The following AK8 variants were observed in gnomAD, a reference collection of about 807,000 sequenced individuals.
AK8 encodes the protein adenylate kinase 8, also known as ATP-AMP transphosphorylase 8.
In AK8, 44 loss-of-function variants were observed where a neutral mutation model predicts 54.6. That is an observed-to-expected ratio of 0.81 (90% CI 0.63 to 1.04). The LOEUF (loss-of-function observed/expected upper bound fraction) is 1.04. AK8 is among the 50% of genes least tolerant of loss of function. The probability of loss-of-function intolerance (pLI) is 0.00; values close to 1 mark genes in which losing one functional copy is unlikely to be tolerated. For missense variants in AK8, 555 were observed against 613.6 expected (o/e 0.90, Z 1.01); for synonymous variants, 239 against 245.6 (o/e 0.97, Z 0.25).
At chr9:132,866,790 G>A in intron 3 of AK8, 114 bp downstream of exon 3, 1 of 1,044,318 alleles carries the variant, frequency 9.6e-7, no homozygotes, top group East Asian at 2.5e-5. Flanking sequence ...AGGAGGAGAA[G>A]GAAAAGAAGA....
chr9:132,878,227 A>AT lies in AK8; in HGVS notation c.28dup (p.Ile10AsnfsTer43). The AT allele has an allele frequency of 6.9e-7, 1 of 1,452,322 alleles. No homozygotes were observed. Among genetic ancestry groups the AT allele is most frequent in the South Asian group, 1.5e-5 (1 of 65,540 alleles). 90.0% of individuals were successfully genotyped at this position (1,452,322 alleles called of 1,614,324 possible). On this transcript the variant is annotated frameshift_variant, in exon 1 of 13. Transcript: ENST00000298545. LOFTEE classifies it high-confidence loss of function. The surrounding 1 kb of genome is among the most constrained non-coding windows in gnomAD (Gnocchi z 4.7). ...CCCGTACTGGGGCATCTCGGGGGGG[A>AT]TACGGTGCGGGGCGATAGTGGCGTC...
At chr9:132,828,903 C>T (rs1841992217) in intron 5 of AK8, among the ~76,000 whole-genome samples, 177 bp from the exon 6 acceptor site, 1 of 151,880 alleles carries the variant, frequency 6.6e-6, no homozygotes, top group Admixed American at 6.6e-5. Context: ...TATTATATTC[C>T]CTTCCGAATC....
At chr9:132,845,958 G>A (rs1842732404) in intron 5 of AK8, among the ~76,000 whole-genome samples, 1 of 152,042 alleles carries the variant, frequency 6.6e-6, no homozygotes. Context: ...TGAAAACTGT[G>A]CAGCCTTGTT....
chr9:132,815,293 T>C (rs1411764485), intron 9 of AK8, among the ~76,000 whole-genome samples: 2 of 152,198 alleles, frequency 1.3e-5, no homozygotes, highest in Non-Finnish European at 2.9e-5. Context: ...AAGGGCACCA[T>C]GTGGCTGTAA....
chr9:132,795,898 G>A (rs1177193776), intron 10 of AK8, among the ~76,000 whole-genome samples: 3 of 152,196 alleles, frequency 2.0e-5, no homozygotes, highest in Non-Finnish European at 4.4e-5. Flanking sequence ...TAATAATCCA[G>A]GCCCACTAAG....
chr9:132,850,931 T>G (rs1842949500), intron 5 of AK8, among the ~76,000 whole-genome samples: 1 of 150,904 alleles, frequency 6.6e-6, no homozygotes, highest in East Asian at 1.9e-4. Context: ...AAGTTCTGAT[T>G]CTGGGAGACA....
Position 132,743,793 on chromosome 9 carries a change from C to T in AK8, c.1122-16259G>A, listed in dbSNP as rs554532786. Among the ~76,000 whole-genome samples the T allele has an allele frequency of 7.6e-4, 115 of 152,314 alleles. 1 individual carries two copies. Among genetic ancestry groups the T allele is most frequent in the Non-Finnish European group, 1.4e-3 (95 of 68,036 alleles). On this transcript the variant is annotated intron_variant, in intron 11 of 12. Transcript: ENST00000298545. The stretch of plus-strand genomic sequence containing the variant: ...AATCCTCGTGAGAAGTACACGACCC[C>T]GGTACTGTGATCGTGCCCATTTCGA...
In AK8 at chr9:132,826,686, A is replaced by G. The variant is rs891498730; in HGVS notation, c.757+168T>C. On this transcript the variant is annotated intron_variant, in intron 8 of 12. Coordinates refer to ENST00000298545, the MANE Select transcript of AK8 (RefSeq NM_152572.3). This position sits in a 1 kb window ranked among gnomAD's most constrained non-coding sequence, Gnocchi z 4.5. ...TGGGGTACCCCCAGGGGCTCTGCAC[A>G]CATGCATTTCTGGGCAGGGAACCCG... Among the ~76,000 whole-genome samples, 9 of 152,170 alleles carry G rather than the reference A, an allele frequency of 5.9e-5. No homozygotes were observed. The highest frequency in any genetic ancestry group is 8.8e-5 in the Non-Finnish European group (6 of 68,028).
At chr9:132,829,752 T>G (rs1222615025) in intron 5 of AK8, among the ~76,000 whole-genome samples, 1 of 152,102 alleles carries the variant, frequency 6.6e-6, no homozygotes, top group African/African-American at 2.4e-5. Context: ...GATAGAGTCT[T>G]GCTACGTTGC....
At chr9:132,740,373 C>T (rs950623049) in intron 11 of AK8, among the ~76,000 whole-genome samples, 1 of 152,172 alleles carries the variant, frequency 6.6e-6, no homozygotes, top group African/African-American at 2.4e-5. Context: ...GGTTATTTGG[C>T]TAAAAAGAGG....
In AK8 at chr9:132,788,778, C is replaced by T. The variant is rs114873599; in HGVS notation, c.1121+3856G>A. Among the ~76,000 whole-genome samples, 372 of 152,176 alleles carry T rather than the reference C, an allele frequency of 2.4e-3. 4 individuals carry two copies. The highest frequency in any genetic ancestry group is 8.5e-3 in the African/African-American group (354 of 41,486). On this transcript the variant is annotated intron_variant, in intron 11 of 12. Coordinates refer to ENST00000298545, the MANE Select transcript of AK8 (RefSeq NM_152572.3). ...CCAGATCCAAAAAAACAGTTACTGC[C>T]TGAGTTTTAAAAACTCTCTCAGATA...
At chr9:132,838,203 T>G (rs1194664431) in intron 5 of AK8, among the ~76,000 whole-genome samples, 1 of 152,182 alleles carries the variant, frequency 6.6e-6, no homozygotes, top group East Asian at 1.9e-4. Context: ...TATAAAATAC[T>G]GACTCATGTT....
intron 11 of AK8, among the ~76,000 whole-genome samples, chr9:132,742,452 G>T (rs151068293): frequency 1.3e-5 from 2 of 152,198 alleles, no homozygotes; most frequent in African/African-American, 2.4e-5. Context: ...GATTACAGGC[G>T]TGAGCCACGG....
At chr9:132,850,883 T>A (rs1311254243) in intron 5 of AK8, among the ~76,000 whole-genome samples, 1 of 143,470 alleles carries the variant, frequency 7.0e-6, no homozygotes, top group African/African-American at 2.5e-5. Context: ...AGAGAGAGAA[T>A]CTGTAGGTGC....
chr9:132,830,799 C>T (rs1842075066), intron 5 of AK8, among the ~76,000 whole-genome samples: 1 of 152,204 alleles, frequency 6.6e-6, no homozygotes, highest in Non-Finnish European at 1.5e-5. Flanking sequence ...TGAATCGCTG[C>T]TTTCGTCTTT....
chr9:132,876,104 G>C (rs1281310671), intron 1 of AK8, among the ~76,000 whole-genome samples: 1 of 152,204 alleles, frequency 6.6e-6, no homozygotes, highest in African/African-American at 2.4e-5. Flanking sequence ...GGAGTGAAGG[G>C]AGTGTGGGGC....
chr9:132,773,123 C>T (rs747979517), intron 11 of AK8, among the ~76,000 whole-genome samples: 5 of 152,230 alleles, frequency 3.3e-5, no homozygotes, highest in Non-Finnish European at 5.9e-5. Flanking sequence ...TGACACCTCA[C>T]CTGCGAGTCT....
intron 2 of AK8, among the ~76,000 whole-genome samples, chr9:132,869,289 A>G (rs935937597): frequency 6.6e-6 from 1 of 152,200 alleles, no homozygotes; most frequent in African/African-American, 2.4e-5. Context: ...GGGCTACCCC[A>G]CAGGAACAAC....
Position 132,878,261 on chromosome 9 carries a change from C to G in AK8, c.-6G>C. 5.1e-6 allele frequency: 7 copies of G among 1,362,368 alleles called. No individual in the cohort carries two copies. The highest frequency in any genetic ancestry group is 6.7e-6 in the Non-Finnish European group (7 of 1,049,272). The allele number at this position is 1,362,368 out of a possible 1,614,324, so 84.4% of individuals were successfully genotyped here. A position where few individuals can be genotyped will look rare whatever the true frequency, so the allele number is the denominator to read the frequency against. Reference sequence around the variant, plus strand: ...GGGGCGATAGTGGCGTCCATGTAGCCGTCTCGGCTCGCCGCTCCCTAGTAA... The same window carrying G: ...GGGGCGATAGTGGCGTCCATGTAGCGGTCTCGGCTCGCCGCTCCCTAGTAA... On this transcript the variant is annotated 5_prime_UTR_variant, in exon 1 of 13. Coordinates refer to ENST00000298545, the MANE Select transcript of AK8 (RefSeq NM_152572.3). The surrounding 1 kb of genome is among the most constrained non-coding windows in gnomAD (Gnocchi z 4.7).
Sources: allele counts gnomAD v4.1 joint callset (sites outside exome capture counted in the v4.1 genomes callset), GRCh38; gene constraint gnomAD v4.1.1; non-coding constraint Gnocchi (gnomAD v3.1); transcripts MANE v1.5; gene names NCBI Gene and HGNC (gene_info 2026-07-23, HGNC 2026-07-21).